Variants in PECR observed in about 807,000 individuals in gnomAD.
The protein encoded by PECR is 2,4-dienoyl-CoA reductase-related protein.
PECR carries 30 observed loss-of-function variants against 35.3 expected under a neutral mutation model. The observed-to-expected ratio is 0.85, with a 90% confidence interval of 0.64 to 1.15. The LOEUF (loss-of-function observed/expected upper bound fraction) is 1.15. Ranked by LOEUF, PECR falls within the 50% of genes most tolerant of loss-of-function variation. PECR has a pLI of 0.00. For synonymous variants in PECR, 148 were observed against 138.9 expected (o/e 1.07, Z -0.46); for missense variants, 392 against 370.8 (o/e 1.06, Z -0.47).
chr2:216,040,808 T>C (rs543417524), intron 7 of PECR, among the ~76,000 whole-genome samples: 2 of 152,200 alleles, frequency 1.3e-5, no homozygotes, highest in Non-Finnish European at 1.5e-5. Context: ...GAGGCAGAGA[T>C]TGCAGTGAGC....
At chr2:216,044,778 T>C (rs1694959731) in intron 6 of PECR, among the ~76,000 whole-genome samples, 3 of 152,152 alleles carry the variant, frequency 2.0e-5, no homozygotes, top group Admixed American at 2.0e-4. Flanking sequence ...AACTGATGAG[T>C]TCAGCAACAT....
intron 6 of PECR, among the ~76,000 whole-genome samples, chr2:216,046,176 T>G (rs1372114772): frequency 6.6e-6 from 1 of 150,550 alleles, no homozygotes; most frequent in Non-Finnish European, 1.5e-5. Flanking sequence ...TATGTTAACA[T>G]GTACTCCTTT....
chr2:216,035,436 C>T (rs913578905), downstream of PECR, among the ~76,000 whole-genome samples: 3 of 152,022 alleles, frequency 2.0e-5, no homozygotes, highest in Non-Finnish European at 4.4e-5. Flanking sequence ...CACAGCCATG[C>T]CCTCCCTACT....
intron 1 of PECR, among the ~76,000 whole-genome samples, chr2:216,074,601 C>T (rs575805544): frequency 2.0e-5 from 3 of 152,014 alleles, no homozygotes; most frequent in African/African-American, 7.2e-5. Context: ...TGATTAATGC[C>T]TAACTTTGTC....
rs779611310 is a variant in PECR at position 216,051,575 on chromosome 2, TC to T, written c.507-31del. On this transcript the variant is annotated intron_variant, in intron 4 of 7. Coordinates refer to ENST00000265322, the MANE Select transcript of PECR (RefSeq NM_018441.6). The stretch of plus-strand genomic sequence containing the variant: ...GAAAGACAAAACATAAACATGACAA[TC>T]AGCTTCTGTTGAATATTTCTCTTGT... The T allele has an allele frequency of 4.7e-6, 6 of 1,289,886 alleles. No homozygotes were observed. In the South Asian group the frequency reaches 5.9e-5, roughly 13 times the overall value. 79.9% of individuals were successfully genotyped at this position (1,289,886 alleles called of 1,614,324 possible). A position where few individuals can be genotyped will look rare whatever the true frequency, so the allele number is the denominator to read the frequency against.
chr2:216,029,245 T>C (rs979185759), intron 7 of PECR, among the ~76,000 whole-genome samples: 2 of 152,168 alleles, frequency 1.3e-5, no homozygotes, highest in African/African-American at 4.8e-5. Context: ...TTTGGGAGGC[T>C]GAGGCAGGCA....
At chr2:216,066,657 G>GA in intron 1 of PECR, 139 bp from the exon 2 acceptor site, 1 of 768,070 alleles carries the variant, frequency 1.3e-6, no homozygotes, top group South Asian at 1.5e-5. Context: ...TAATAATATT[G>GA]AAAAAATATA....
chr2:216,051,985 A>C (rs1033383581), intron 4 of PECR, among the ~76,000 whole-genome samples: 2 of 152,148 alleles, frequency 1.3e-5, no homozygotes, highest in African/African-American at 2.4e-5. Flanking sequence ...TCAAGAGTTC[A>C]AGACCAGCCT....
In PECR at chr2:216,046,310, A is replaced by ATATTT. The variant is rs1553560626; in HGVS notation, c.715-2296_715-2295insAAATA. 5.4e-4 allele frequency among the ~76,000 whole-genome samples: 52 copies of ATATTT among 96,962 alleles called. 1 individual carries two copies. Among genetic ancestry groups the ATATTT allele is most frequent in the South Asian group, 1.2e-3 (4 of 3,226 alleles). 63.6% of individuals were successfully genotyped at this position (96,962 alleles called of 152,430 possible). On this transcript the variant is annotated intron_variant, in intron 6 of 7. Transcript: ENST00000265322. ...TATACATACATATATATATATATAT[A>ATATTT]TTTTTTTTTTTTTTTTTTTTGAGAA... is the stretch of plus-strand genomic sequence containing the variant.
chr2:216,036,266 T>C (rs1694791752), downstream of PECR, among the ~76,000 whole-genome samples: 1 of 152,192 alleles, frequency 6.6e-6, no homozygotes, highest in Non-Finnish European at 1.5e-5. Flanking sequence ...GCTTGCTGTC[T>C]TCAAAGATGC....
At chr2:216,048,718 G>A (rs575950981) in intron 6 of PECR, among the ~76,000 whole-genome samples, 33 of 151,660 alleles carry the variant, frequency 2.2e-4, no homozygotes, top group Admixed American at 1.6e-3. Flanking sequence ...AAAAGTCATC[G>A]TCTTCATCAT....
downstream of PECR, among the ~76,000 whole-genome samples, chr2:216,037,857 G>T (rs1332444931): frequency 6.6e-6 from 1 of 152,004 alleles, no homozygotes; most frequent in Non-Finnish European, 1.5e-5. Flanking sequence ...GGCCAAAGCG[G>T]GCAGATCACT....
rs57937603 is a variant in PECR, at chr2:216,031,457, G to A, written c.*440+7734C>T. Among the ~76,000 whole-genome samples, 1,173 of 117,688 alleles carry A rather than the reference G, an allele frequency of 1.0e-2. 11 individuals carry two copies. Among genetic ancestry groups the A allele is most frequent in the African/African-American group, 0.032 (1,017 of 31,394 alleles). The allele number at this position is 117,688 out of a possible 152,430, so 77.2% of individuals were successfully genotyped here. On this transcript the variant is annotated intron_variant and NMD_transcript_variant, in intron 7 of 7. Transcript: ENST00000442122. Reference sequence around the variant, plus strand: ...AGAAAGAAAGAAAAAGAAAGAAAGAGAGAAAGAAAGAAAGAAAGAGAAAGA... The same window carrying A: ...AGAAAGAAAGAAAAAGAAAGAAAGAAAGAAAGAAAGAAAGAAAGAGAAAGA...
chr2:216,031,553 G>A (rs141710843), intron 7 of PECR, among the ~76,000 whole-genome samples: 1,562 of 140,220 alleles, frequency 0.011, 24 homozygotes, highest in African/African-American at 0.037. Context: ...GAAGGAAAGA[G>A]GGAGGGAGGG....
At chr2:216,068,748 C>T (rs116343339) in intron 1 of PECR, among the ~76,000 whole-genome samples, 3,021 of 151,812 alleles carry the variant, frequency 0.02, 113 homozygotes, top group African/African-American at 0.07. Flanking sequence ...ACTGATCCTC[C>T]CACCCCAGCC....
chr2:216,030,725 C>CTTTTTTTTT (rs549744417), intron 7 of PECR, among the ~76,000 whole-genome samples: 1 of 145,026 alleles, frequency 6.9e-6, no homozygotes, highest in African/African-American at 2.5e-5. Context: ...GTATTTCTTT[C>CTTTTTTTTT]TTTCTTTTTT....
At position 216,070,012 on chromosome 2, in the gene PECR, A is replaced by G. The variant is rs150704212; in HGVS notation, c.125-3494T>C. 5.1e-3 allele frequency among the ~76,000 whole-genome samples: 772 copies of G among 152,220 alleles called. 9 individuals carry two copies. Among genetic ancestry groups the G allele is most frequent in the African/African-American group, 0.018 (728 of 41,564 alleles). On this transcript the variant is annotated intron_variant, in intron 1 of 7. Coordinates refer to ENST00000265322, the MANE Select transcript of PECR (RefSeq NM_018441.6). ...ATAAAGGATAAAATGTTGGAAGCTG[A>G]TCGAAACATAGAAAGGAGTACAATA...
chr2:216,071,063 T>C (rs1250086726), intron 1 of PECR, among the ~76,000 whole-genome samples: 1 of 152,206 alleles, frequency 6.6e-6, no homozygotes, highest in Non-Finnish European at 1.5e-5. Flanking sequence ...CCTTGGTGGT[T>C]CATTCCGTCT....
chr2:216,076,777 G>A (rs1210212659), intron 1 of PECR, among the ~76,000 whole-genome samples: 1 of 151,898 alleles, frequency 6.6e-6, no homozygotes, highest in Non-Finnish European at 1.5e-5. Flanking sequence ...TCCAGCCTGG[G>A]CAACAAAGCA....
Sources: gnomAD v4.1 joint callset for allele counts (sites outside exome capture counted in the v4.1 genomes callset) on GRCh38, gnomAD v4.1.1 for gene constraint, MANE v1.5 for transcripts, NCBI Gene and HGNC (gene_info 2026-07-23, HGNC 2026-07-21) for gene names.